The following DPY19L4 variants were observed in gnomAD, a reference collection of about 807,000 sequenced individuals.
DPY19L4 encodes dpy-19 like 4.
In DPY19L4, 97 loss-of-function variants were observed where a neutral mutation model predicts 102.8. The observed-to-expected ratio is 0.94, with a 90% CI of 0.80 to 1.12. DPY19L4 has a LOEUF of 1.12. Among genes scored for constraint, DPY19L4 ranks in the 50% most tolerant of loss-of-function variants. DPY19L4 has a pLI of 0.00. For missense variants in DPY19L4, 815 were observed against 850.4 expected (o/e 0.96, Z 0.52); for synonymous variants, 252 against 283.1 (o/e 0.89, Z 1.10).
intron 1 of DPY19L4, among the ~76,000 whole-genome samples, chr8:94,720,610 G>A (rs1410181431): frequency 1.3e-5 from 2 of 152,128 alleles, no homozygotes; most frequent in African/African-American, 4.8e-5. Context: ...GAGATGATGA[G>A]GCCAGGAGGC....
rs770014608 is a variant in DPY19L4 at position 94,739,487 on chromosome 8, T to C, written c.418T>C (p.Tyr140His). Residue 140 changes from tyrosine (Y) to histidine (H), a missense_variant, in exon 5 of 19, where the codon TAT becomes CAT. By Grantham distance (83) the Tyr-to-His change is moderately conservative (BLOSUM62 2). Transcript: ENST00000414645. Reference protein sequence around the residue: ...TINAVQQMSLYPELIASILYQ... With the variant: ...TINAVQQMSLHPELIASILYQ... The stretch of plus-strand genomic sequence containing the variant: ...AAATGCAGTGCAGCAAATGTCTCTG[T>C]ATCCGGAACTTATTGCTAGCATTTT... The C allele has an allele frequency of 6.2e-7, 1 of 1,608,592 alleles. No homozygotes were observed. Among genetic ancestry groups the C allele is most frequent in the Non-Finnish European group, 8.5e-7 (1 of 1,178,696 alleles).
intron 7 of DPY19L4, among the ~76,000 whole-genome samples, chr8:94,758,186 A>T (rs1209953235): frequency 6.6e-6 from 1 of 152,090 alleles, no homozygotes; most frequent in Non-Finnish European, 1.5e-5. Flanking sequence ...TTTCTTTGAG[A>T]CGTGGACTCG....
Position 94,792,785 on chromosome 8 carries a change from G to GCGGAGCTTGCGGTGAGC in DPY19L4, c.*2878_*2894dup, listed in dbSNP as rs2130962546. On this transcript the variant is annotated 3_prime_UTR_variant, in exon 19 of 19. Transcript: ENST00000414645. ...CAGGAGAATGGCGTCAAGCGGCGAG[G>GCGGAGCTTGCGGTGAGC]CGGAGCTTGCGGTGAGCCGAGATCA... 1 of 152,354 alleles carries GCGGAGCTTGCGGTGAGC rather than the reference G, an allele frequency of 6.6e-6. No individual in the cohort carries two copies. The highest frequency in any genetic ancestry group is 2.4e-5 in the African/African-American group (1 of 41,564). 9.4% of individuals were successfully genotyped at this position (152,354 alleles called of 1,614,324 possible). A position where few individuals can be genotyped will look rare whatever the true frequency, so the allele number is the denominator to read the frequency against.
intron 15 of DPY19L4, 113 bp downstream of exon 15, chr8:94,780,528 T>A: frequency 1.5e-6 from 1 of 676,920 alleles, no homozygotes; most frequent in Non-Finnish European, 2.1e-6. Context: ...CAAAATAAAA[T>A]GTAACATTCT....
intron 13 of DPY19L4, among the ~76,000 whole-genome samples, chr8:94,774,610 C>T (rs1423552854): frequency 3.4e-5 from 5 of 148,552 alleles, no homozygotes; most frequent in Non-Finnish European, 4.4e-5. Context: ...TGGAGTTTCA[C>T]CTTGTTGCCC....
chr8:94,739,940 T>C (rs1402856930), intron 6 of DPY19L4, 150 bp downstream of exon 6: 16 of 1,085,220 alleles, frequency 1.5e-5, no homozygotes, highest in Non-Finnish European at 2.0e-5. Flanking sequence ...TATGATACTT[T>C]GTATAGCACA....
rs188224120 is a variant in DPY19L4, at chr8:94,785,308, A to G, written c.1848+1506A>G. ...AAGTGGTTGTTGCATGCATACACATATACATAGACACACACAAGGTACAAA... is the reference window on the plus strand; with the variant it reads ...AAGTGGTTGTTGCATGCATACACATGTACATAGACACACACAAGGTACAAA... On this transcript the variant is annotated intron_variant, in intron 17 of 18. Coordinates refer to ENST00000414645, the MANE Select transcript of DPY19L4 (RefSeq NM_181787.3). Among the ~76,000 whole-genome samples, 18 of 152,350 alleles carry G rather than the reference A, an allele frequency of 1.2e-4. No homozygotes were observed. In the East Asian group the frequency reaches 2.5e-3, roughly 21 times the overall value.
chr8:94,789,225 T>C (rs528765987), intron 18 of DPY19L4, among the ~76,000 whole-genome samples: 3 of 152,358 alleles, frequency 2.0e-5, no homozygotes, highest in African/African-American at 7.2e-5. Flanking sequence ...AAGTTGGCTA[T>C]CTGACATCTT....
intron 13 of DPY19L4, among the ~76,000 whole-genome samples, chr8:94,772,259 T>C (rs1397580842): frequency 6.6e-6 from 1 of 152,152 alleles, no homozygotes; most frequent in African/African-American, 2.4e-5. Context: ...GCACACAGTC[T>C]AGGAATGTGT....
chr8:94,721,092 A>G (rs1810438600), intron 1 of DPY19L4, among the ~76,000 whole-genome samples: 1 of 152,150 alleles, frequency 6.6e-6, no homozygotes, highest in Admixed American at 6.5e-5. Flanking sequence ...GATTACAGGC[A>G]TGCGCCATCA....
intron 8 of DPY19L4, among the ~76,000 whole-genome samples, chr8:94,762,061 C>A (rs1308730610): frequency 6.6e-6 from 1 of 152,104 alleles, no homozygotes. Flanking sequence ...TCATAGAGAT[C>A]GCAACTGCAG....
chr8:94,739,600 A>G, intron 5 of DPY19L4, 45 bp from the exon 6 acceptor site: 1 of 1,604,538 alleles, frequency 6.2e-7, no homozygotes, highest in Non-Finnish European at 8.5e-7. Flanking sequence ...CAAATTATTT[A>G]ATGCCATCCT....
At chr8:94,725,032 G>T (rs1810629558) in intron 1 of DPY19L4, among the ~76,000 whole-genome samples, 1 of 151,908 alleles carries the variant, frequency 6.6e-6, no homozygotes, top group Admixed American at 6.6e-5. Context: ...CTATGCCAGT[G>T]TTTAAAGATA....
intron 3 of DPY19L4, among the ~76,000 whole-genome samples, chr8:94,736,574 A>G (rs1402668540): frequency 6.6e-6 from 1 of 152,214 alleles, no homozygotes; most frequent in Non-Finnish European, 1.5e-5. Context: ...TATGCATAAA[A>G]ATAATTCATT....
intron 2 of DPY19L4, among the ~76,000 whole-genome samples, chr8:94,730,068 T>G (rs1487382498): frequency 7.9e-5 from 12 of 152,058 alleles, no homozygotes; most frequent in Admixed American, 7.9e-4. Context: ...TATGTACTTA[T>G]AGTTTTTTTT....
chr8:94,776,194 A>G (rs900502659), intron 13 of DPY19L4, among the ~76,000 whole-genome samples: 4 of 151,652 alleles, frequency 2.6e-5, no homozygotes, highest in African/African-American at 9.7e-5. Context: ...CACCATGCCC[A>G]GCTAATTTTT....
rs183620872 is a variant in DPY19L4 at position 94,781,941 on chromosome 8, C to G, written c.1715+775C>G. ...GGTTGGTCTGGAATGGGTGACAAATCCTCAACCCATGTTATACAGGATTCC... is the reference window on the plus strand; with the variant it reads ...GGTTGGTCTGGAATGGGTGACAAATGCTCAACCCATGTTATACAGGATTCC... On this transcript the variant is annotated intron_variant, in intron 16 of 18. Coordinates refer to ENST00000414645, the MANE Select transcript of DPY19L4 (RefSeq NM_181787.3). Among the ~76,000 whole-genome samples, 3 of 152,256 alleles carry G rather than the reference C, an allele frequency of 2.0e-5. No individual in the cohort carries two copies. The East Asian group carries it at 5.8e-4, about 29-fold the overall frequency.
intron 7 of DPY19L4, 100 bp downstream of exon 7, chr8:94,756,259 C>A: frequency 6.9e-7 from 1 of 1,449,706 alleles, no homozygotes; most frequent in African/African-American, 1.4e-5. Flanking sequence ...AGAATTAAAT[C>A]ATATTTAATG....
chr8:94,774,339 G>A (rs1001117508), intron 13 of DPY19L4, among the ~76,000 whole-genome samples: 1 of 151,228 alleles, frequency 6.6e-6, no homozygotes, highest in Non-Finnish European at 1.5e-5. Context: ...GAGCCCCTGT[G>A]CCCAGCTACA....
Sources: allele counts gnomAD v4.1 joint callset (sites outside exome capture counted in the v4.1 genomes callset), GRCh38; gene constraint gnomAD v4.1.1; transcripts MANE v1.5; gene names NCBI Gene and HGNC (gene_info 2026-07-23, HGNC 2026-07-21).